The following FRMPD4 variants were observed in gnomAD, a reference collection of about 807,000 sequenced individuals.
FRMPD4 encodes FERM and PDZ domain-containing protein 4.
FRMPD4 carries 22 observed loss-of-function variants against 94.1 expected under a neutral mutation model. The ratio of observed to expected loss-of-function variants is 0.23; its 90% CI spans 0.17 to 0.33. The LOEUF (loss-of-function observed/expected upper bound fraction) is 0.33, where lower values mean the gene tolerates loss of function less well. FRMPD4 is among the 10% of genes least tolerant of loss of function. FRMPD4 has a pLI of 1.00. For synonymous variants in FRMPD4, 631 were observed against 548.6 expected (o/e 1.15, Z -2.10); for missense variants, 1,111 against 1,339.9 (o/e 0.83, Z 2.67).
chrX:12,388,678 G>T (rs2056431410), intron 1 of FRMPD4, among the ~76,000 whole-genome samples: 1 of 105,604 alleles, frequency 9.5e-6, no homozygotes, highest in African/African-American at 3.5e-5. Flanking sequence ...CACTTCTTTT[G>T]GTTATTTACC....
rs770760024 is a variant in FRMPD4 at position 11,948,053 on chromosome X, G to A, written c.95+70035G>A. 7.3e-5 allele frequency among the ~76,000 whole-genome samples: 7 copies of A among 95,739 alleles called. No individual in the cohort carries two copies. The East Asian group carries it at 2.3e-3, about 31-fold the overall frequency. The allele number at this position is 95,739 out of a possible 115,157, so 83.1% of individuals were successfully genotyped here. The stretch of plus-strand genomic sequence containing the variant: ...TGCAGTGAGCCAAGATCATGCCATT[G>A]CACTCCAGCCTGGGCAACAAGAGTG... On this transcript the variant is annotated intron_variant, in intron 3 of 18. Transcript: ENST00000640291.
chrX:11,964,821 T>G (rs1288168418), intron 3 of FRMPD4, among the ~76,000 whole-genome samples: 1 of 113,080 alleles, frequency 8.8e-6, no homozygotes, highest in Non-Finnish European at 1.9e-5. Context: ...GAAATGATTC[T>G]CACTAGACTG....
chrX:12,420,293 CTCTAACT>C (rs1003008947), intron 1 of FRMPD4, among the ~76,000 whole-genome samples: 2 of 112,134 alleles, frequency 1.8e-5, no homozygotes, highest in African/African-American at 6.5e-5. Flanking sequence ...ATCTGCTGTT[CTCTAACT>C]TCTAACACTG....
chrX:11,921,117 G>A (rs2097436649), intron 3 of FRMPD4, among the ~76,000 whole-genome samples: 1 of 112,234 alleles, frequency 8.9e-6, no homozygotes, highest in South Asian at 3.7e-4. Flanking sequence ...GCCTTTCTAT[G>A]AGGAGTGTAT....
At chrX:12,263,737 G>C (rs1470637047) in intron 1 of FRMPD4, among the ~76,000 whole-genome samples, 1 of 110,002 alleles carries the variant, frequency 9.1e-6, no homozygotes, top group Non-Finnish European at 1.9e-5. Context: ...TATGGAGTGT[G>C]TCTTAGTCTG....
At position 12,519,183 on chromosome X, in the gene FRMPD4, G is replaced by C. The variant is rs186512219; in HGVS notation, c.158+20387G>C. Among the ~76,000 whole-genome samples, 89 of 112,294 alleles carry C rather than the reference G, an allele frequency of 7.9e-4. 1 individual carries two copies. Among genetic ancestry groups the C allele is most frequent in the Admixed American group, 7.7e-3 (82 of 10,660 alleles). ...ATGACAGTGAAATTTTTTTCAGTAA[G>C]AGGAAAACATTATCCTAATTTTTGT... On this transcript the variant is annotated intron_variant, in intron 2 of 16. Transcript: ENST00000675598.
intron 1 of FRMPD4, among the ~76,000 whole-genome samples, chrX:12,143,415 C>T (rs1485793585): frequency 8.9e-6 from 1 of 112,638 alleles, no homozygotes; most frequent in Non-Finnish European, 1.9e-5. Flanking sequence ...CATGTCCATT[C>T]ATTTATGTAT....
chrX:12,716,860 C>T lies in FRMPD4; in HGVS notation c.2401C>T (p.Arg801Cys), dbSNP rs1322816860. 1.7e-6 allele frequency: 2 copies of T among 1,211,525 alleles called. No homozygotes were observed. The highest frequency in any genetic ancestry group is 1.8e-5 in the South Asian group (1 of 56,981). Residue 801 changes from arginine to cysteine, a missense_variant, in exon 15 of 17, where the codon CGT (arginine) becomes TGT (cysteine). This residue lies in a region of FRMPD4 where 74 missense variants were observed against 93.9 expected (regional missense o/e 0.79). Coordinates refer to ENST00000675598, the MANE Select transcript of FRMPD4 (RefSeq NM_001368397.1). ...GDDNEDDFLL[R>C]SLNMAIAAPP... is the part of the protein sequence containing the mutation. ...TGACAATGAGGATGACTTCCTGTTG[C>T]GTTCCTTGAACATGGCCATTGCCGC...
chrX:12,350,209 A>C (rs1354612263), intron 1 of FRMPD4, among the ~76,000 whole-genome samples: 1 of 111,995 alleles, frequency 8.9e-6, no homozygotes, highest in Non-Finnish European at 1.9e-5. Context: ...AGTATGGAAC[A>C]AGAAGGAGGG....
chrX:12,268,366 G>A (rs2054304744), intron 1 of FRMPD4, among the ~76,000 whole-genome samples: 2 of 112,117 alleles, frequency 1.8e-5, no homozygotes, highest in Admixed American at 1.9e-4. Flanking sequence ...AAGATAGGGA[G>A]TGCAAATATT....
At chrX:11,950,097 A>G (rs745635518) in intron 3 of FRMPD4, among the ~76,000 whole-genome samples, 43 of 111,076 alleles carry the variant, frequency 3.9e-4, no homozygotes, top group Non-Finnish European at 6.2e-4. Context: ...GATCATGGGG[A>G]TGTTTTTTCC....
Position 12,138,893 on chromosome X carries a change from A to G in FRMPD4, c.-79A>G. ...CCCCGGGCGCACTGAGGTCTTGGCCATGGGGCTGCGGAGGCTGCTGTTGCT... is the reference window on the plus strand; with the variant it reads ...CCCCGGGCGCACTGAGGTCTTGGCCGTGGGGCTGCGGAGGCTGCTGTTGCT... On this transcript the variant is annotated 5_prime_UTR_variant, in exon 1 of 17. The change abolishes an upstream ATG in the 5' untranslated region. Coordinates refer to ENST00000675598, the MANE Select transcript of FRMPD4 (RefSeq NM_001368397.1). 1.4e-5 allele frequency: 12 copies of G among 873,837 alleles called. No homozygotes were observed. The South Asian group carries it at 3.3e-4, about 24-fold the overall frequency. The allele number at this position is 873,837 out of a possible 1,213,427, so 72.0% of individuals were successfully genotyped here.
intron 1 of FRMPD4, among the ~76,000 whole-genome samples, chrX:12,339,895 G>A (rs1049892030): frequency 4.4e-5 from 5 of 112,455 alleles, no homozygotes; most frequent in South Asian, 3.7e-4. Context: ...GATTACAGGC[G>A]TAAGCCACTG....
intron 1 of FRMPD4, among the ~76,000 whole-genome samples, chrX:12,494,499 G>A (rs1379684323): frequency 1.8e-5 from 2 of 111,616 alleles, no homozygotes; most frequent in South Asian, 3.8e-4. Flanking sequence ...AATCTGACTC[G>A]GGACTTTGGA....
At chrX:12,464,747 A>C (rs1431634467) in intron 1 of FRMPD4, among the ~76,000 whole-genome samples, 1 of 111,684 alleles carries the variant, frequency 9.0e-6, no homozygotes, top group Non-Finnish European at 1.9e-5. Context: ...GATCATTATG[A>C]GTAATTATGT....
chrX:12,446,591 GTGGTAGTGAA>G (rs2057198102), intron 1 of FRMPD4, among the ~76,000 whole-genome samples: 1 of 45,236 alleles, frequency 2.2e-5, no homozygotes, highest in South Asian at 1.5e-3. Flanking sequence ...CACTTCTCTT[GTGGTAGTGAA>G]TAAGTCTCAT....
chrX:12,516,934 C>T (rs1313277155), intron 2 of FRMPD4, among the ~76,000 whole-genome samples: 1 of 85,944 alleles, frequency 1.2e-5, no homozygotes, highest in African/African-American at 4.4e-5. Flanking sequence ...TCTTGTCGAC[C>T]TGTCTTATTT....
chrX:12,708,645 G>A (rs2041925525), intron 13 of FRMPD4, among the ~76,000 whole-genome samples: 2 of 111,104 alleles, frequency 1.8e-5, no homozygotes, highest in Non-Finnish European at 3.8e-5. Flanking sequence ...GAAAAGGCAC[G>A]GGAACAAATG....
At chrX:12,450,474 T>C (rs1342713147) in intron 1 of FRMPD4, among the ~76,000 whole-genome samples, 9 of 111,349 alleles carry the variant, frequency 8.1e-5, no homozygotes, top group Non-Finnish European at 1.7e-4. Context: ...TTCCAGAGAA[T>C]AGGAAAAGGA....
Sources: gnomAD v4.1 joint callset for allele counts (sites outside exome capture counted in the v4.1 genomes callset) on GRCh38, gnomAD v4.1.1 for gene constraint, gnomAD v4.1.1 regional missense constraint, MANE v1.5 for transcripts, NCBI Gene and HGNC (gene_info 2026-07-23, HGNC 2026-07-21) for gene names.